NTNG1: variants seen among roughly 807,000 people sequenced by gnomAD.
The protein encoded by NTNG1 is netrin-G1.
NTNG1 carries 16 observed loss-of-function variants against 54.0 expected under a neutral mutation model. That is an observed-to-expected ratio of 0.30 (90% CI 0.20 to 0.45). NTNG1 has a LOEUF of 0.45. Ranked by LOEUF, NTNG1 falls within the 20% of genes least tolerant of loss-of-function variation. The probability of loss-of-function intolerance (pLI) is 1.00; values close to 1 mark genes in which losing one functional copy is unlikely to be tolerated. For synonymous variants in NTNG1, 255 were observed against 263.1 expected (o/e 0.97, Z 0.30); for missense variants, 530 against 678.7 (o/e 0.78, Z 2.43).
intron 3 of NTNG1, among the ~76,000 whole-genome samples, chr1:107,342,537 A>G (rs1218978239): frequency 6.6e-6 from 1 of 152,130 alleles, no homozygotes; most frequent in African/African-American, 2.4e-5. Flanking sequence ...TTAAATGCAA[A>G]TGGTTGTTAA....
intron 2 of NTNG1, among the ~76,000 whole-genome samples, chr1:107,290,948 G>C (rs539199974): frequency 7.3e-6 from 1 of 137,608 alleles, no homozygotes; most frequent in Non-Finnish European, 1.5e-5. Flanking sequence ...ATATTTTAAA[G>C]TGCATATATA....
In NTNG1 at chr1:107,320,496, T is replaced by G. The variant is rs55971943; in HGVS notation, c.247-3786T>G. Among the ~76,000 whole-genome samples, 421 of 152,178 alleles carry G rather than the reference T, an allele frequency of 2.8e-3. 3 individuals are homozygous for G. The highest frequency in any genetic ancestry group is 9.8e-3 in the African/African-American group (406 of 41,528). On this transcript the variant is annotated intron_variant, in intron 2 of 7. Transcript: ENST00000370068. ...TTGAAGTAGCTGAAAATTTAATTAA[T>G]CTAATCCCTTTAACAGGAATTATTT...
chr1:107,288,531 A>G (rs1421904099), intron 2 of NTNG1, among the ~76,000 whole-genome samples: 1 of 152,186 alleles, frequency 6.6e-6, no homozygotes, highest in East Asian at 1.9e-4. Context: ...ATGGAGCAGG[A>G]AGATAATCAA....
intron 2 of NTNG1, among the ~76,000 whole-genome samples, chr1:107,291,273 T>G (rs908646869): frequency 6.6e-6 from 1 of 152,160 alleles, no homozygotes; most frequent in African/African-American, 2.4e-5. Context: ...TCTGGCTTAC[T>G]TTATTGTAAG....
chr1:107,244,063 G>A (rs1454376195), intron 2 of NTNG1, among the ~76,000 whole-genome samples: 1 of 152,018 alleles, frequency 6.6e-6, no homozygotes, highest in Non-Finnish European at 1.5e-5. Flanking sequence ...ATTGCTGGAA[G>A]CTAAAAACAT....
chr1:107,407,481 A>G (rs1295512407), intron 4 of NTNG1, among the ~76,000 whole-genome samples: 1 of 147,298 alleles, frequency 6.8e-6, no homozygotes, highest in Admixed American at 7.0e-5. Flanking sequence ...AATGGTTTCA[A>G]TTGCTGGAAA....
At chr1:107,313,537 G>A (rs980254219) in intron 2 of NTNG1, among the ~76,000 whole-genome samples, 10 of 152,064 alleles carry the variant, frequency 6.6e-5, no homozygotes, top group African/African-American at 2.4e-4. Context: ...AGCTGTAAAT[G>A]GGAATTAACT....
intron 7 of NTNG1, among the ~76,000 whole-genome samples, chr1:107,474,759 C>T (rs984017527): frequency 3.3e-5 from 5 of 152,126 alleles, no homozygotes; most frequent in African/African-American, 1.2e-4. Context: ...AAAGGGTCAG[C>T]CCACCCCATG....
intron 2 of NTNG1, among the ~76,000 whole-genome samples, chr1:107,206,261 G>C (rs1659183941): frequency 1.3e-5 from 2 of 152,120 alleles, no homozygotes; most frequent in South Asian, 2.1e-4. Context: ...TACCCAGAAT[G>C]TATGAAATTT....
intron 4 of NTNG1, among the ~76,000 whole-genome samples, chr1:107,405,960 C>T (rs2101136652): frequency 6.6e-6 from 1 of 152,240 alleles, no homozygotes; most frequent in Non-Finnish European, 1.5e-5. Context: ...CAGTCCTTTG[C>T]AGAAATCACG....
intron 2 of NTNG1, among the ~76,000 whole-genome samples, chr1:107,306,138 C>T (rs1490531822): frequency 6.6e-6 from 1 of 151,940 alleles, no homozygotes; most frequent in Non-Finnish European, 1.5e-5. Context: ...TACTACTATC[C>T]TATAGAAATA....
intron 4 of NTNG1, 125 bp downstream of exon 4, chr1:107,395,451 G>T (rs201629394): frequency 2.2e-6 from 2 of 895,824 alleles, no homozygotes; most frequent in African/African-American, 1.6e-5. Flanking sequence ...AAAGTGCAGC[G>T]AAAGTTTCAG....
At chr1:107,205,235 T>G (rs1264995672) in intron 2 of NTNG1, among the ~76,000 whole-genome samples, 1 of 152,194 alleles carries the variant, frequency 6.6e-6, no homozygotes, top group Non-Finnish European at 1.5e-5. Context: ...CTTCAGAGTT[T>G]ATAGCTTCAG....
At chr1:107,351,576 C>T (rs1669602715) in intron 3 of NTNG1, among the ~76,000 whole-genome samples, 1 of 152,216 alleles carries the variant, frequency 6.6e-6, no homozygotes, top group South Asian at 2.1e-4. Flanking sequence ...TCACTTCCCA[C>T]CAGGCCCCAC....
chr1:107,217,454 A>C lies in NTNG1; in HGVS notation c.246+68615A>C, dbSNP rs539749327. Among the ~76,000 whole-genome samples the C allele has an allele frequency of 2.6e-5, 4 of 152,022 alleles. No homozygotes were observed. The South Asian group carries it at 8.3e-4, about 32-fold the overall frequency. ...TTGTTTATTTGTTTCAATTTCATTT[A>C]GTTCTGCTCTGTTCTTGGTATTTAT... On this transcript the variant is annotated intron_variant, in intron 2 of 7. Transcript: ENST00000370068.
At chr1:107,212,464 G>C (rs981745942) in intron 2 of NTNG1, among the ~76,000 whole-genome samples, 2 of 152,094 alleles carry the variant, frequency 1.3e-5, no homozygotes, top group Non-Finnish European at 2.9e-5. Flanking sequence ...TTGAAAGTAG[G>C]ACTCAAATCC....
chr1:107,223,160 CTATT>C (rs1466869601), intron 2 of NTNG1, among the ~76,000 whole-genome samples: 9 of 152,090 alleles, frequency 5.9e-5, no homozygotes, highest in African/African-American at 2.2e-4. Flanking sequence ...TTTGAACAAA[CTATT>C]TATTATGAGT....
chr1:107,204,187 G>T (rs936943810), intron 2 of NTNG1, among the ~76,000 whole-genome samples: 3 of 151,764 alleles, frequency 2.0e-5, no homozygotes, highest in African/African-American at 7.3e-5. Flanking sequence ...TGATTTCTTT[G>T]ATTACAACTT....
At chr1:107,185,235 C>A (rs1426065035) in intron 2 of NTNG1, among the ~76,000 whole-genome samples, 1 of 152,150 alleles carries the variant, frequency 6.6e-6, no homozygotes, top group Non-Finnish European at 1.5e-5. Context: ...TAAAAGCATG[C>A]ATATATCTTC....
Sources: allele counts gnomAD v4.1 joint callset (sites outside exome capture counted in the v4.1 genomes callset), GRCh38; gene constraint gnomAD v4.1.1; transcripts MANE v1.5; gene names NCBI Gene and HGNC (gene_info 2026-07-23, HGNC 2026-07-21).